Variants in DLGAP1 observed in about 807,000 individuals in gnomAD.
DLGAP1 encodes the protein disks large-associated protein 1.
In DLGAP1, 11 loss-of-function variants were observed where a neutral mutation model predicts 90.8. The ratio of observed to expected loss-of-function variants is 0.12; its 90% CI spans 0.08 to 0.20. The LOEUF is 0.20. Among genes scored for constraint, DLGAP1 ranks in the 10% least tolerant of loss-of-function variants. The probability of loss-of-function intolerance (pLI) is 1.00; values close to 1 mark genes in which losing one functional copy is unlikely to be tolerated. For missense variants in DLGAP1, 1,050 were observed against 1,333.8 expected (o/e 0.79, Z 3.31); for synonymous variants, 558 against 540.7 (o/e 1.03, Z -0.44).
intron 7 of DLGAP1, among the ~76,000 whole-genome samples, chr18:3,592,878 GAAAGAA>G (rs71159097): frequency 0.56 from 63,940 of 113,932 alleles, 17,064 homozygotes; most frequent in East Asian, 0.66. Context: ...GAAAAAGAAA[GAAAGAA>G]AAAGAAAAAG....
intron 9 of DLGAP1, among the ~76,000 whole-genome samples, chr18:3,549,390 T>A (rs560992205): frequency 1.3e-5 from 2 of 151,320 alleles, no homozygotes; most frequent in East Asian, 3.9e-4. Flanking sequence ...TGGAGTGCAG[T>A]GGCGCAATCT....
chr18:4,307,772 G>C (rs2143397588), intron 1 of DLGAP1, among the ~76,000 whole-genome samples: 1 of 148,046 alleles, frequency 6.8e-6, no homozygotes, highest in East Asian at 2.0e-4. Context: ...CTGGAGTGCA[G>C]TGGCATGATC....
intron 7 of DLGAP1, among the ~76,000 whole-genome samples, chr18:3,624,728 A>G (rs1407357411): frequency 2.0e-5 from 3 of 152,194 alleles, no homozygotes; most frequent in African/African-American, 7.2e-5. Context: ...GAGCATACCC[A>G]TCCCCTTTTA....
intron 3 of DLGAP1, among the ~76,000 whole-genome samples, chr18:3,947,173 G>GT (rs1478800755): frequency 6.6e-6 from 1 of 152,108 alleles, no homozygotes; most frequent in Non-Finnish European, 1.5e-5. Flanking sequence ...ATAGACCAGT[G>GT]TTTTTTACAA....
intron 11 of DLGAP1, among the ~76,000 whole-genome samples, chr18:3,507,365 A>AC (rs1284853186): frequency 1.9e-4 from 28 of 145,792 alleles, no homozygotes; most frequent in Admixed American, 4.9e-4. Flanking sequence ...ACAAAACAAA[A>AC]AATTAGCTGG....
chr18:3,926,624 A>G (rs1337175549), intron 3 of DLGAP1, among the ~76,000 whole-genome samples: 1 of 152,058 alleles, frequency 6.6e-6, no homozygotes, highest in African/African-American at 2.4e-5. Flanking sequence ...CCAGATAGAT[A>G]TCTACATAGA....
At chr18:4,279,384 C>T (rs1177775421) in intron 1 of DLGAP1, among the ~76,000 whole-genome samples, 2 of 152,070 alleles carry the variant, frequency 1.3e-5, no homozygotes, top group African/African-American at 4.8e-5. Context: ...TTAGATACAC[C>T]AAGTAATATG....
intron 1 of DLGAP1, among the ~76,000 whole-genome samples, chr18:4,375,116 C>T (rs748139176): frequency 4.6e-5 from 7 of 152,064 alleles, no homozygotes; most frequent in South Asian, 2.1e-4. Flanking sequence ...TCTATGATTG[C>T]GATCTCTTCT....
At chr18:3,538,781 C>A (rs533977655) in intron 9 of DLGAP1, among the ~76,000 whole-genome samples, 4 of 152,196 alleles carry the variant, frequency 2.6e-5, no homozygotes, top group African/African-American at 4.8e-5. Context: ...GAGCAAACTG[C>A]CACAGCCAGA....
chr18:4,302,268 C>T (rs535983312), intron 1 of DLGAP1, among the ~76,000 whole-genome samples: 3 of 152,218 alleles, frequency 2.0e-5, no homozygotes, highest in South Asian at 4.1e-4. Flanking sequence ...AGTAGTTTTA[C>T]AGTCTGGGGT....
chr18:3,674,950 A>G (rs1435435733), intron 7 of DLGAP1, among the ~76,000 whole-genome samples: 4 of 110,562 alleles, frequency 3.6e-5, no homozygotes, highest in Non-Finnish European at 1.8e-5. Flanking sequence ...CACCTCCACT[A>G]TCAGTACCGA....
At chr18:4,211,925 G>T (rs1402631) in intron 1 of DLGAP1, among the ~76,000 whole-genome samples, 65,660 of 151,934 alleles carry the variant, frequency 0.43, 16,229 homozygotes, top group East Asian at 0.78. Context: ...CCAAATTCAG[G>T]AGAGAATGCA....
intron 4 of DLGAP1, among the ~76,000 whole-genome samples, chr18:3,869,922 C>T (rs1170192414): frequency 6.6e-6 from 1 of 152,206 alleles, no homozygotes; most frequent in African/African-American, 2.4e-5. Context: ...GAAGCAAACA[C>T]AGTCATATCA....
intron 7 of DLGAP1, among the ~76,000 whole-genome samples, chr18:3,629,721 A>T (rs945306415): frequency 5.5e-4 from 83 of 152,002 alleles, no homozygotes; most frequent in Middle Eastern, 6.8e-3. Flanking sequence ...TAATGAAATA[A>T]TTTTTTGCTA....
chr18:4,060,035 C>T (rs1184942342), intron 2 of DLGAP1, among the ~76,000 whole-genome samples: 4 of 152,216 alleles, frequency 2.6e-5, no homozygotes, highest in African/African-American at 9.6e-5. Context: ...AAGCCCCGCA[C>T]AACTTGCTCC....
At chr18:4,077,059 C>T (rs8088821) in intron 2 of DLGAP1, among the ~76,000 whole-genome samples, 125,006 of 152,094 alleles carry the variant, frequency 0.82, 51,645 homozygotes, top group East Asian at 0.94. Flanking sequence ...GTGCATCAGT[C>T]GAGTTAATTT....
chr18:3,753,785 T>A (rs574643985), intron 5 of DLGAP1, among the ~76,000 whole-genome samples: 25 of 152,190 alleles, frequency 1.6e-4, no homozygotes, highest in Non-Finnish European at 3.5e-4. Context: ...TTAAGGTATT[T>A]AAAGACATAT....
chr18:3,843,569 GAATTA>G (rs2068839237), intron 4 of DLGAP1, among the ~76,000 whole-genome samples: 2 of 152,150 alleles, frequency 1.3e-5, no homozygotes, highest in Non-Finnish European at 2.9e-5. Flanking sequence ...AAAAATAGCA[GAATTA>G]AATAAGCATA....
chr18:3,797,179 A>C (rs1341943193), intron 5 of DLGAP1, among the ~76,000 whole-genome samples: 1 of 152,086 alleles, frequency 6.6e-6, no homozygotes, highest in Non-Finnish European at 1.5e-5. Context: ...TAAAATACAA[A>C]AAATTAGCTG....
Sources: gnomAD v4.1 joint callset for allele counts (sites outside exome capture counted in the v4.1 genomes callset) on GRCh38, gnomAD v4.1.1 for gene constraint, MANE v1.5 for transcripts, NCBI Gene and HGNC (gene_info 2026-07-23, HGNC 2026-07-21) for gene names.